COG4: variants seen among roughly 807,000 people sequenced by gnomAD.
COG4 encodes the protein component of oligomeric golgi complex 4.
A neutral mutation model predicts 95.1 loss-of-function variants in COG4; 65 were observed. The ratio of observed to expected loss-of-function variants is 0.68; its 90% confidence interval spans 0.56 to 0.84. The LOEUF is 0.84. Among genes scored for constraint, COG4 ranks in the 40% least tolerant of loss-of-function variants. The pLI is 0.00. For synonymous variants in COG4, 421 were observed against 374.8 expected (o/e 1.12, Z -1.42); for missense variants, 1,045 against 989.1 (o/e 1.06, Z -0.76).
At position 70,514,380 on chromosome 16, in the gene COG4, A is replaced by C. The variant is rs1340275148; in HGVS notation, c.499T>G (p.Cys167Gly). The C allele has an allele frequency of 6.2e-7, 1 of 1,614,180 alleles. No homozygotes were observed. Among genetic ancestry groups the C allele is most frequent in the East Asian group, 2.2e-5 (1 of 44,888 alleles). ...AGCTCAATGACCGACTTGTCCAGGCACAAGTAGCGATGAGTATGTGCTGCA... is the reference window on the plus strand; with the variant it reads ...AGCTCAATGACCGACTTGTCCAGGCCCAAGTAGCGATGAGTATGTGCTGCA... ...QAAAHTHRYLCLDKSVIELSR... is the reference protein window; with the variant it reads ...QAAAHTHRYLGLDKSVIELSR... The change falls in exon 4 of 19, where the codon TGC (cysteine) becomes GGC (glycine). Residue 167 changes from cysteine to glycine, a missense_variant. Transcript: ENST00000323786.
In COG4 at chr16:70,523,527, G is replaced by T; in HGVS notation, c.17C>A (p.Ala6Glu). ...CAGCTTCGGAGGCGAATCAAGGTCC[G>T]CCATCTTGGTCCCCATTCGGCACTT... is the stretch of plus-strand genomic sequence containing the variant. The part of the protein sequence containing the change: MGTKM[A>E]DLDSPPKLSG... The change falls in exon 1 of 19, where the codon GCG (alanine) becomes GAG (glutamate). Residue 6 changes from alanine (A) to glutamate (E), a missense_variant. Coordinates refer to ENST00000323786, the MANE Select transcript of COG4 (RefSeq NM_015386.3). 1 of 1,613,820 alleles carries T rather than the reference G, an allele frequency of 6.2e-7. No individual in the cohort carries two copies. The highest frequency in any genetic ancestry group is 1.1e-5 in the South Asian group (1 of 91,076).
At chr16:70,509,060 CA>C in intron 7 of COG4, 170 bp downstream of exon 7, 1 of 796,264 alleles carries the variant, frequency 1.3e-6, no homozygotes, top group Non-Finnish European at 2.1e-6. Flanking sequence ...GACAACACCT[CA>C]AGTCCAAAGT....
chr16:70,486,949 T>C (rs1401132919), intron 13 of COG4, among the ~76,000 whole-genome samples: 2 of 149,656 alleles, frequency 1.3e-5, no homozygotes, highest in East Asian at 2.0e-4. Context: ...AAGCCGAGAC[T>C]GCGCCACTGC....
At chr16:70,512,614 T>C (rs2049732621) in intron 4 of COG4, among the ~76,000 whole-genome samples, 182 bp from the exon 5 acceptor site, 1 of 152,016 alleles carries the variant, frequency 6.6e-6, no homozygotes, top group Admixed American at 6.6e-5. Flanking sequence ...ATCACAGAAG[T>C]TAGGATCAGG....
chr16:70,490,095 G>A (rs1188891663), intron 13 of COG4, among the ~76,000 whole-genome samples: 1 of 152,222 alleles, frequency 6.6e-6, no homozygotes, highest in Non-Finnish European at 1.5e-5. Context: ...TGGGATTACA[G>A]GAATGTGCCA....
chr16:70,505,932 G>T (rs1384965123), intron 8 of COG4, among the ~76,000 whole-genome samples: 16 of 151,098 alleles, frequency 1.1e-4, no homozygotes, highest in Non-Finnish European at 2.4e-4. Context: ...AATCACTTGA[G>T]ATCTGGGGTT....
At chr16:70,497,493 T>C (rs1352502526) in intron 10 of COG4, 106 bp from the exon 11 acceptor site, 3 of 1,052,246 alleles carry the variant, frequency 2.9e-6, no homozygotes, top group Non-Finnish European at 2.9e-6. Context: ...CTGTACCTTG[T>C]CCATGTTTCT....
chr16:70,498,138 T>C (rs895729743), intron 9 of COG4, 83 bp from the exon 10 acceptor site: 1 of 824,358 alleles, frequency 1.2e-6, no homozygotes, highest in East Asian at 2.4e-5. Flanking sequence ...CAGGTTCCTT[T>C]ATAGTCTTTC....
intron 7 of COG4, 82 bp from the exon 8 acceptor site, chr16:70,508,546 C>T (rs752841437): frequency 8.6e-6 from 10 of 1,169,308 alleles, no homozygotes; most frequent in South Asian, 1.2e-5. Context: ...AAACTTTTGG[C>T]ATACAAGAAC....
chr16:70,522,803 A>T (rs1455151131), intron 1 of COG4, among the ~76,000 whole-genome samples: 1 of 152,206 alleles, frequency 6.6e-6, no homozygotes, highest in African/African-American at 2.4e-5. Flanking sequence ...ATAAAATATC[A>T]AGGGTACCAG....
intron 4 of COG4, among the ~76,000 whole-genome samples, chr16:70,512,794 A>G (rs1032816965): frequency 6.6e-6 from 1 of 152,212 alleles, no homozygotes; most frequent in Non-Finnish European, 1.5e-5. Flanking sequence ...CCTGGCCAAC[A>G]TGGTGAAACC....
At chr16:70,501,211 C>G (rs2049443136) in intron 8 of COG4, 120 bp from the exon 9 acceptor site, 3 of 1,093,432 alleles carry the variant, frequency 2.7e-6, no homozygotes, top group Non-Finnish European at 4.1e-6. Flanking sequence ...AAAGCTCTGC[C>G]AGATGGCCCT....
intron 5 of COG4, among the ~76,000 whole-genome samples, chr16:70,511,490 G>C (rs980405089): frequency 6.6e-6 from 1 of 152,090 alleles, no homozygotes; most frequent in Admixed American, 6.6e-5. Context: ...TGAGGTGGGA[G>C]GACTGCTTGA....
intron 12 of COG4, among the ~76,000 whole-genome samples, chr16:70,495,997 G>A (rs1048897543): frequency 6.6e-6 from 1 of 152,218 alleles, no homozygotes; most frequent in African/African-American, 2.4e-5. Flanking sequence ...GGGCTCCTGA[G>A]CAGCTGGCCA....
chr16:70,515,564 A>G (rs2151762426), intron 3 of COG4, among the ~76,000 whole-genome samples: 1 of 152,132 alleles, frequency 6.6e-6, no homozygotes, highest in East Asian at 1.9e-4. Flanking sequence ...CATGCCTGTA[A>G]TCCCAGCTAC....
chr16:70,487,083 G>C (rs2049153038), intron 13 of COG4, among the ~76,000 whole-genome samples: 1 of 151,846 alleles, frequency 6.6e-6, no homozygotes, highest in African/African-American at 2.4e-5. Context: ...CTGAGGTCGG[G>C]AATTTGAGAC....
intron 8 of COG4, among the ~76,000 whole-genome samples, chr16:70,507,561 G>A (rs1045213402): frequency 3.8e-4 from 58 of 152,156 alleles, no homozygotes; most frequent in Middle Eastern, 3.4e-3. Flanking sequence ...GTATTTCTCA[G>A]AATGTACTCC....
At chr16:70,482,046 C>T (rs780731605) in intron 16 of COG4, 46 bp downstream of exon 16, 42 of 1,526,038 alleles carry the variant, frequency 2.8e-5, no homozygotes, top group Non-Finnish European at 3.6e-5. Context: ...CTGGTTTGGG[C>T]TGACGTGGGT....
chr16:70,490,522 A>G (rs1182065806), intron 12 of COG4, 130 bp from the exon 13 acceptor site: 3 of 765,926 alleles, frequency 3.9e-6, no homozygotes, highest in Admixed American at 3.7e-5. Context: ...GACTTGCGCT[A>G]ATGAAAACCC....
Sources: gnomAD v4.1 joint callset for allele counts (sites outside exome capture counted in the v4.1 genomes callset) on GRCh38, gnomAD v4.1.1 for gene constraint, MANE v1.5 for transcripts, NCBI Gene and HGNC (gene_info 2026-07-23, HGNC 2026-07-21) for gene names.